The following ARMC8 variants were observed in gnomAD, a reference collection of about 807,000 sequenced individuals.
The protein encoded by ARMC8 is armadillo repeat-containing protein 8.
ARMC8 carries 20 observed loss-of-function variants against 99.3 expected under a neutral mutation model. The observed-to-expected ratio is 0.20, with a 90% CI of 0.14 to 0.29. The LOEUF is 0.29. ARMC8 is among the 10% of genes least tolerant of loss of function. ARMC8 has a pLI of 1.00. For synonymous variants in ARMC8, 263 were observed against 278.3 expected, an observed-to-expected ratio of 0.95 and a Z score of 0.55; for missense variants, 569 against 809.5, an observed-to-expected ratio of 0.70 and a Z score of 3.60.
intron 11 of ARMC8, among the ~76,000 whole-genome samples, chr3:138,243,549 T>G (rs2046731555): frequency 6.6e-6 from 1 of 152,204 alleles, no homozygotes; most frequent in African/African-American, 2.4e-5. Flanking sequence ...TATTCTGTAT[T>G]GGGAAGTTCT....
chr3:138,282,108 C>A (rs936708160), intron 18 of ARMC8, among the ~76,000 whole-genome samples: 4 of 152,224 alleles, frequency 2.6e-5, no homozygotes, highest in Non-Finnish European at 5.9e-5. Flanking sequence ...GCCTCACCCT[C>A]TGCATTTTGG....
chr3:138,235,798 C>CTTTTTTTTTT (rs71146120), intron 7 of ARMC8, among the ~76,000 whole-genome samples: 64 of 80,532 alleles, frequency 7.9e-4, no homozygotes, highest in Non-Finnish European at 8.8e-4. Flanking sequence ...TCCTTTTAGT[C>CTTTTTTTTTT]TTTTTTTTTT....
At chr3:138,248,672 G>GATT (rs947758264) in intron 12 of ARMC8, among the ~76,000 whole-genome samples, 2 of 152,182 alleles carry the variant, frequency 1.3e-5, no homozygotes, top group Non-Finnish European at 2.9e-5. Context: ...ACCATCACTT[G>GATT]ATTAGGACCT....
chr3:138,251,652 A>C (rs989888441), intron 12 of ARMC8, among the ~76,000 whole-genome samples: 1 of 152,250 alleles, frequency 6.6e-6, no homozygotes, highest in African/African-American at 2.4e-5. Context: ...AGGTTTTGCC[A>C]CTTGCCCACA....
intron 12 of ARMC8, among the ~76,000 whole-genome samples, chr3:138,258,708 T>C (rs1190459699): frequency 6.6e-6 from 1 of 152,348 alleles, no homozygotes; most frequent in African/African-American, 2.4e-5. Flanking sequence ...CAAAAGCATG[T>C]CATAAAAGCT....
intron 1 of ARMC8, among the ~76,000 whole-genome samples, chr3:138,190,281 CTTTTTTTTT>C (rs141579108): frequency 4.4e-5 from 5 of 114,370 alleles, no homozygotes; most frequent in African/African-American, 1.8e-4. Flanking sequence ...ATTTTCTTAT[CTTTTTTTTT>C]TTTTTTTTTT....
intron 15 of ARMC8, among the ~76,000 whole-genome samples, chr3:138,268,631 A>G (rs2108287760): frequency 1.3e-5 from 2 of 152,222 alleles, no homozygotes; most frequent in Middle Eastern, 6.8e-3. Context: ...TAAACAATCA[A>G]CCAGGCATGG....
chr3:138,202,736 A>C (rs892140856), intron 1 of ARMC8, among the ~76,000 whole-genome samples: 7 of 152,214 alleles, frequency 4.6e-5, no homozygotes, highest in Admixed American at 4.6e-4. Flanking sequence ...GCTACATGAT[A>C]TCTGAGTATG....
intron 12 of ARMC8, 195 bp downstream of exon 12, chr3:138,245,378 G>T: frequency 1.4e-6 from 2 of 1,420,932 alleles, no homozygotes; most frequent in East Asian, 5.0e-5. Flanking sequence ...ACATAGAGTG[G>T]CATGGCCGTG....
chr3:138,252,452 CTTTTT>C (rs1169244202), intron 12 of ARMC8, among the ~76,000 whole-genome samples: 2 of 129,208 alleles, frequency 1.5e-5, no homozygotes, highest in African/African-American at 2.9e-5. Flanking sequence ...ACCATAAACT[CTTTTT>C]TTTTTTTTTT....
At chr3:138,263,357 G>A (rs936077534) in intron 12 of ARMC8, among the ~76,000 whole-genome samples, 1 of 152,186 alleles carries the variant, frequency 6.6e-6, no homozygotes, top group Non-Finnish European at 1.5e-5. Context: ...GGCTGAGCAT[G>A]GACTGTGATT....
At chr3:138,240,903 A>G (rs1416522231) in intron 10 of ARMC8, among the ~76,000 whole-genome samples, 1 of 152,204 alleles carries the variant, frequency 6.6e-6, no homozygotes, top group Non-Finnish European at 1.5e-5. Context: ...ATAAAAAATT[A>G]GCCAGGAGTG....
chr3:138,283,098 C>T (rs1044091710), intron 18 of ARMC8, among the ~76,000 whole-genome samples: 3 of 152,178 alleles, frequency 2.0e-5, no homozygotes, highest in African/African-American at 7.2e-5. Flanking sequence ...AGCTATTGGA[C>T]TATACAATTT....
At position 138,228,913 on chromosome 3, in the gene ARMC8, C is replaced by T; in HGVS notation, c.436-5C>T. 6.3e-7 allele frequency: 1 copy of T among 1,596,602 alleles called. No homozygotes were observed. Among genetic ancestry groups the T allele is most frequent in the East Asian group, 2.3e-5 (1 of 44,378 alleles). Reference sequence around the variant, plus strand: ...GTTTCTTGTTGCTGTGTTCTCCTTCCCTAGGATGCCACAGTGATACCACAC... The same window carrying T: ...GTTTCTTGTTGCTGTGTTCTCCTTCTCTAGGATGCCACAGTGATACCACAC... On this transcript the variant is annotated splice_region_variant and splice_polypyrimidine_tract_variant and intron_variant, in intron 5 of 21. Coordinates refer to ENST00000469044, the MANE Select transcript of ARMC8 (RefSeq NM_001363941.2).
At chr3:138,294,047 CAATA>C (rs2051240803) in intron 21 of ARMC8, among the ~76,000 whole-genome samples, 1 of 152,092 alleles carries the variant, frequency 6.6e-6, no homozygotes. Flanking sequence ...AGTAGAAAGA[CAATA>C]AAGGTACAGT....
chr3:138,255,377 T>C (rs1053928764), intron 12 of ARMC8, among the ~76,000 whole-genome samples: 1 of 151,962 alleles, frequency 6.6e-6, no homozygotes, highest in Non-Finnish European at 1.5e-5. Flanking sequence ...TAATTTTTTG[T>C]ATTTTTAGTA....
chr3:138,292,808 AAGG>A (rs959333631), intron 21 of ARMC8, among the ~76,000 whole-genome samples: 1 of 152,124 alleles, frequency 6.6e-6, no homozygotes, highest in Non-Finnish European at 1.5e-5. Flanking sequence ...AAAAGAGAGA[AAGG>A]AGGACTAAGG....
chr3:138,249,315 T>C (rs2047022352), intron 12 of ARMC8, among the ~76,000 whole-genome samples: 1 of 151,866 alleles, frequency 6.6e-6, no homozygotes, highest in Non-Finnish European at 1.5e-5. Context: ...CTGTTATACT[T>C]AGCATAGAGA....
At chr3:138,234,642 G>T (rs185955714) in intron 6 of ARMC8, among the ~76,000 whole-genome samples, 1 of 152,282 alleles carries the variant, frequency 6.6e-6, no homozygotes, top group East Asian at 1.9e-4. Flanking sequence ...ACTGTTTCCT[G>T]TGGGCATAGG....
Sources: gnomAD v4.1 joint callset for allele counts (sites outside exome capture counted in the v4.1 genomes callset) on GRCh38, gnomAD v4.1.1 for gene constraint, MANE v1.5 for transcripts, NCBI Gene and HGNC (gene_info 2026-07-23, HGNC 2026-07-21) for gene names.